The following MYO16 variants were observed in gnomAD, a reference collection of about 807,000 sequenced individuals.
MYO16 encodes the protein myosin XVI, also known as unconventional myosin-XVI.
MYO16 carries 94 observed loss-of-function variants against 205.3 expected under a neutral mutation model. The ratio of observed to expected loss-of-function variants is 0.46; its 90% CI spans 0.39 to 0.54. The LOEUF is 0.54. Ranked by LOEUF, MYO16 falls within the 20% of genes least tolerant of loss-of-function variation. The probability of loss-of-function intolerance (pLI) is 0.00; values close to 1 mark genes in which losing one functional copy is unlikely to be tolerated. For missense variants in MYO16, 2,315 were observed against 2,387.5 expected (o/e 0.97, Z 0.63); for synonymous variants, 988 against 954.0 (o/e 1.04, Z -0.66).
intron 9 of MYO16, among the ~76,000 whole-genome samples, chr13:108,832,143 G>GTTTTT (rs1555303539): frequency 2.3e-5 from 1 of 42,794 alleles, no homozygotes; most frequent in Admixed American, 3.9e-4. Context: ...GTTCCGTATG[G>GTTTTT]ATTTTTTTTT....
At chr13:109,007,810 A>G (rs1244487750) in intron 21 of MYO16, among the ~76,000 whole-genome samples, 1 of 152,190 alleles carries the variant, frequency 6.6e-6, no homozygotes, top group African/African-American at 2.4e-5. Flanking sequence ...GATAAAGAAA[A>G]TAATTTCTTC....
intron 2 of MYO16, among the ~76,000 whole-genome samples, chr13:108,691,313 A>C (rs1332317454): frequency 6.6e-6 from 1 of 152,030 alleles, no homozygotes; most frequent in African/African-American, 2.4e-5. Context: ...TTTGCCTATT[A>C]GATTGTATTT....
At chr13:108,809,535 G>A (rs772043838) in intron 7 of MYO16, among the ~76,000 whole-genome samples, 13 of 152,188 alleles carry the variant, frequency 8.5e-5, no homozygotes, top group Admixed American at 2.0e-4. Flanking sequence ...GGTGGAAGCA[G>A]GAGCAGAAAG....
chr13:108,875,013 C>A (rs910912119), intron 12 of MYO16, among the ~76,000 whole-genome samples: 2 of 152,044 alleles, frequency 1.3e-5, no homozygotes, highest in African/African-American at 4.8e-5. Context: ...CAGGATTCTG[C>A]AATCTGCTAG....
intron 28 of MYO16, among the ~76,000 whole-genome samples, chr13:109,119,890 T>C (rs576856021): frequency 6.1e-4 from 93 of 152,352 alleles, no homozygotes; most frequent in African/African-American, 2.1e-3. Flanking sequence ...TGATTTATAA[T>C]AATATGTGGC....
intron 20 of MYO16, among the ~76,000 whole-genome samples, chr13:108,975,036 A>G (rs771559320): frequency 6.6e-6 from 1 of 152,126 alleles, no homozygotes; most frequent in Non-Finnish European, 1.5e-5. Flanking sequence ...AGGTTTATTC[A>G]TGTATTTATT....
At chr13:108,624,819 G>C (rs1424194061), upstream of MYO16, among the ~76,000 whole-genome samples, 1 of 150,962 alleles carries the variant, frequency 6.6e-6, no homozygotes, top group Non-Finnish European at 1.5e-5. Context: ...GTGTGTGTGT[G>C]TGTGTGTATC....
At chr13:109,015,967 TTCTGC>T (rs1396611350) in intron 22 of MYO16, among the ~76,000 whole-genome samples, 2 of 152,192 alleles carry the variant, frequency 1.3e-5, no homozygotes, top group Non-Finnish European at 2.9e-5. Flanking sequence ...TCTCCTTGAC[TTCTGC>T]TCTGATCTTA....
intron 3 of MYO16, among the ~76,000 whole-genome samples, chr13:108,715,612 T>G (rs773836397): frequency 1.3e-5 from 2 of 152,212 alleles, no homozygotes; most frequent in East Asian, 1.9e-4. Context: ...AATTAATATC[T>G]GACACTGTGA....
At chr13:109,026,904 A>G (rs1387591165) in intron 23 of MYO16, among the ~76,000 whole-genome samples, 1 of 152,192 alleles carries the variant, frequency 6.6e-6, no homozygotes, top group Non-Finnish European at 1.5e-5. Context: ...GGATGTAAAT[A>G]TTACTATTTC....
intron 1 of MYO16, among the ~76,000 whole-genome samples, chr13:108,612,803 T>A (rs1879223044): frequency 6.6e-6 from 1 of 152,164 alleles, no homozygotes; most frequent in Non-Finnish European, 1.5e-5. Flanking sequence ...TAGTTTACAT[T>A]CTTGCTACCC....
intron 4 of MYO16, among the ~76,000 whole-genome samples, chr13:108,769,624 T>G (rs1885895780): frequency 6.6e-6 from 1 of 152,178 alleles, no homozygotes; most frequent in South Asian, 2.1e-4. Context: ...AGTAAACCTG[T>G]TAAGCAACCG....
intron 34 of MYO16, among the ~76,000 whole-genome samples, chr13:109,199,376 C>A (rs1010524176): frequency 6.6e-6 from 1 of 151,336 alleles, no homozygotes; most frequent in Non-Finnish European, 1.5e-5. Context: ...CAGAGGCATA[C>A]GATGCAAGCG....
At chr13:109,128,591 C>CT (rs112890431) in intron 31 of MYO16, among the ~76,000 whole-genome samples, 62 of 143,860 alleles carry the variant, frequency 4.3e-4, no homozygotes, top group South Asian at 1.6e-3. Flanking sequence ...TAGCCAACTT[C>CT]TTTTTTTTTT....
intron 28 of MYO16, among the ~76,000 whole-genome samples, chr13:109,119,455 A>G (rs1875880359): frequency 6.6e-6 from 1 of 152,222 alleles, no homozygotes. Flanking sequence ...ATTAGGATCC[A>G]CCAGGCTCTC....
intron 27 of MYO16, among the ~76,000 whole-genome samples, chr13:109,081,860 A>C (rs889838394): frequency 1.3e-5 from 2 of 152,190 alleles, no homozygotes; most frequent in East Asian, 3.9e-4. Context: ...AATGCTAATA[A>C]CGTGATTGTA....
chr13:108,686,215 A>G (rs1432996367), intron 2 of MYO16, among the ~76,000 whole-genome samples: 2 of 152,170 alleles, frequency 1.3e-5, no homozygotes, highest in Non-Finnish European at 2.9e-5. Flanking sequence ...TGTCATACTC[A>G]GTCGAGTGGG....
the MYO16 span, among the ~76,000 whole-genome samples, chr13:108,549,743 G>A: frequency 6.6e-6 from 1 of 151,974 alleles, no homozygotes; most frequent in Non-Finnish European, 1.5e-5. Flanking sequence ...TCAGATTATG[G>A]TAATAATATA....
chr13:108,817,512 T>C (rs190947408), intron 7 of MYO16, among the ~76,000 whole-genome samples: 34 of 79,272 alleles, frequency 4.3e-4, no homozygotes, highest in Non-Finnish European at 5.5e-4. Flanking sequence ...GGATGAACAC[T>C]GACCACAGTG....
Sources: gnomAD v4.1 joint callset for allele counts (sites outside exome capture counted in the v4.1 genomes callset) on GRCh38, gnomAD v4.1.1 for gene constraint, MANE v1.5 for transcripts, NCBI Gene and HGNC (gene_info 2026-07-23, HGNC 2026-07-21) for gene names.